Variants in KIR2DL1 observed in about 807,000 individuals in gnomAD.
KIR2DL1 encodes the protein killer cell immunoglobulin like receptor, two Ig domains and long cytoplasmic tail 1.
KIR2DL1 carries 38 observed loss-of-function variants against 33.9 expected under a neutral mutation model. The ratio of observed to expected loss-of-function variants is 1.12; its 90% confidence interval spans 0.86 to 1.47. The LOEUF is 1.47. KIR2DL1 is among the 40% of genes most tolerant of loss of function. KIR2DL1 has a pLI of 0.00. For synonymous variants in KIR2DL1, 179 were observed against 165.9 expected, an observed-to-expected ratio of 1.08 and a Z score of -0.61; for missense variants, 531 against 433.9, an observed-to-expected ratio of 1.22 and a Z score of -1.99.
At position 54,776,232 on chromosome 19, in the gene KIR2DL1, C is replaced by T. The variant is rs1165881385; in HGVS notation, c.664+774C>T. Among the ~76,000 whole-genome samples the T allele has an allele frequency of 3.5e-5, 5 of 142,036 alleles. No individual in the cohort carries two copies. In the Admixed American group the frequency reaches 3.6e-4, roughly 10 times the overall value. The allele number at this position is 142,036 out of a possible 152,430, so 93.2% of individuals were successfully genotyped here. The stretch of plus-strand genomic sequence containing the variant: ...GTGTAAAGTCTAGTGGTCATAAATA[C>T]ATTTTTATATATATATATATATACA... On this transcript the variant is annotated intron_variant, in intron 4 of 7. Transcript: ENST00000336077.
intron 2 of KIR2DL1, among the ~76,000 whole-genome samples, chr19:54,772,581 T>C (rs2075865261): frequency 6.9e-6 from 1 of 145,862 alleles, no homozygotes; most frequent in African/African-American, 2.5e-5. Flanking sequence ...GGCAGGTGCA[T>C]GTAATCCTAG....
Position 54,783,621 on chromosome 19 carries a change from A to G in KIR2DL1, c.871-16A>G. ...ATGTGAGCACCCTCCCTCACTCAGC[A>G]TTTCCCTCTCTCCAGGACTCTGATG... On this transcript the variant is annotated splice_polypyrimidine_tract_variant and intron_variant, in intron 7 of 7. Transcript: ENST00000336077. 1 of 1,613,940 alleles carries G rather than the reference A, an allele frequency of 6.2e-7. No individual in the cohort carries two copies. Among genetic ancestry groups the G allele is most frequent in the Non-Finnish European group, 8.5e-7 (1 of 1,179,950 alleles).
At chr19:54,772,536 A>G (rs8106789) in intron 2 of KIR2DL1, among the ~76,000 whole-genome samples, 18,903 of 137,050 alleles carry the variant, frequency 0.14, 1,006 homozygotes, top group African/African-American at 0.22. Flanking sequence ...GTCAAGGACA[A>G]GTTAAGAAAC....
intron 5 of KIR2DL1, among the ~76,000 whole-genome samples, chr19:54,781,866 G>T (rs1316365608): frequency 2.0e-5 from 3 of 151,832 alleles, no homozygotes; most frequent in Admixed American, 2.0e-4. Flanking sequence ...AAACCCTAAA[G>T]CACATTCGCT....
chr19:54,779,104 C>T (rs1237635852), intron 5 of KIR2DL1, among the ~76,000 whole-genome samples: 1 of 147,654 alleles, frequency 6.8e-6, no homozygotes, highest in Non-Finnish European at 1.5e-5. Context: ...AAGAGCCTTG[C>T]CGTAACAGAG....
At chr19:54,782,626 C>T (rs930637263) in intron 5 of KIR2DL1, among the ~76,000 whole-genome samples, 1 of 152,052 alleles carries the variant, frequency 6.6e-6, no homozygotes, top group Non-Finnish European at 1.5e-5. Context: ...GATGGATCCA[C>T]CTCCATGACC....
At chr19:54,776,049 G>A (rs56768634) in intron 4 of KIR2DL1, among the ~76,000 whole-genome samples, 190 of 145,480 alleles carry the variant, frequency 1.3e-3, no homozygotes, top group African/African-American at 3.8e-3. Flanking sequence ...GCACCACCAC[G>A]CCAGGCTACT....
intron 4 of KIR2DL1, among the ~76,000 whole-genome samples, chr19:54,776,336 T>C (rs1463013322): frequency 6.8e-6 from 1 of 147,690 alleles, no homozygotes; most frequent in African/African-American, 2.5e-5. Flanking sequence ...GATCCACCTT[T>C]TAGCTCCTGT....
At chr19:54,775,549 A>T in intron 4 of KIR2DL1, 91 bp downstream of exon 4, 1 of 1,417,140 alleles carries the variant, frequency 7.1e-7, no homozygotes, top group Non-Finnish European at 9.7e-7. Flanking sequence ...GCATGGACAG[A>T]TGCAGAGAGA....
chr19:54,775,923 G>C (rs1397182176), intron 4 of KIR2DL1, among the ~76,000 whole-genome samples: 8 of 145,556 alleles, frequency 5.5e-5, no homozygotes, highest in South Asian at 2.2e-4. Flanking sequence ...GTGGAGTCTA[G>C]CTCTGTCCCC....
In KIR2DL1 at chr19:54,773,424, G is replaced by C. The variant is rs1371451317; in HGVS notation, c.162G>C (p.Met54Ile). ...TCCTGCAGTGTTGGTCAGATGTCAT[G>C]TTTGAACACTTCCTTCTGCACAGAG... ...TVILQCWSDV[M>I]FEHFLLHREG... The change falls in exon 3 of 8, where the codon ATG becomes ATC. Residue 54 changes from methionine to isoleucine, a missense_variant. Physicochemically the swap from Met to Ile is conservative, Grantham distance 10. Transcript: ENST00000336077. The C allele has an allele frequency of 1.3e-6, 2 of 1,591,744 alleles. No homozygotes were observed. The highest frequency in any genetic ancestry group is 4.5e-5 in the East Asian group (2 of 44,696).
In KIR2DL1 at chr19:54,776,721, A is replaced by G. The variant is rs2076388683; in HGVS notation, c.664+1263A>G. 2.1e-5 allele frequency among the ~76,000 whole-genome samples: 3 copies of G among 143,962 alleles called. No homozygotes were observed. The South Asian group carries it at 6.6e-4, about 32-fold the overall frequency. 94.4% of individuals were successfully genotyped at this position (143,962 alleles called of 152,430 possible). ...AGTGGTGCAACCTTGGCTCATTGCAACCTCCGCCTCCTGGGTTCAAATGAT... is the reference window on the plus strand; with the variant it reads ...AGTGGTGCAACCTTGGCTCATTGCAGCCTCCGCCTCCTGGGTTCAAATGAT... On this transcript the variant is annotated intron_variant, in intron 4 of 7. Coordinates refer to ENST00000336077, the MANE Select transcript of KIR2DL1 (RefSeq NM_014218.3).
At position 54,773,323 on chromosome 19, in the gene KIR2DL1, C is replaced by T; in HGVS notation, c.71-10C>T. 1.9e-6 allele frequency: 3 copies of T among 1,594,758 alleles called. No individual in the cohort carries two copies. The highest frequency in any genetic ancestry group is 2.2e-5 in the South Asian group (2 of 90,342). On this transcript the variant is annotated splice_polypyrimidine_tract_variant and intron_variant, in intron 2 of 7. Coordinates refer to ENST00000336077, the MANE Select transcript of KIR2DL1 (RefSeq NM_014218.3). ...GAGACACCTTCTAAACTCACAACCT[C>T]TCTTCCTAGGAGTCCACAGAAAACC...
chr19:54,769,807 T>C lies in KIR2DL1; in HGVS notation c.-44T>C, dbSNP rs757869772. 31 of 1,561,578 alleles carry C rather than the reference T, an allele frequency of 2.0e-5. 2 individuals carry two copies. The African/African-American group carries it at 4.0e-4, about 20-fold the overall frequency. Reference sequence around the variant, plus strand: ...CGCCAAATAACATCCTGTGCGCTGCTGAGCTGAGCTCGGTCGCGGCTGCCT... The same window carrying C: ...CGCCAAATAACATCCTGTGCGCTGCCGAGCTGAGCTCGGTCGCGGCTGCCT... On this transcript the variant is annotated 5_prime_UTR_variant, in exon 1 of 8. Coordinates refer to ENST00000336077, the MANE Select transcript of KIR2DL1 (RefSeq NM_014218.3).
Position 54,775,065 on chromosome 19 carries a change from A to C in KIR2DL1, c.371-100A>C, listed in dbSNP as rs2076160653. 29 of 1,344,730 alleles carry C rather than the reference A, an allele frequency of 2.2e-5. 2 individuals are homozygous for C. The highest frequency in any genetic ancestry group is 2.7e-5 in the Non-Finnish European group (27 of 985,324). The allele number at this position is 1,344,730 out of a possible 1,614,324, so 83.3% of individuals were successfully genotyped here. A position where few individuals can be genotyped will look rare whatever the true frequency, so the allele number is the denominator to read the frequency against. ...TAGAGGGTGAGAGAGAGAGAGAGAG[A>C]GCATTAGGTCATAGAACAGGGGAGT... On this transcript the variant is annotated intron_variant, in intron 3 of 7. Transcript: ENST00000336077.
intron 4 of KIR2DL1, among the ~76,000 whole-genome samples, chr19:54,776,323 T>A (rs1331168334): frequency 1.4e-5 from 2 of 147,828 alleles, no homozygotes; most frequent in Non-Finnish European, 3.0e-5. Context: ...TCTACCTTCA[T>A]GAGATCCACC....
rs779320972 is a variant in KIR2DL1, at chr19:54,773,382, A to G, written c.120A>G (p.Lys40=). 1.3e-6 allele frequency: 2 copies of G among 1,599,086 alleles called. No individual in the cohort carries two copies. Among genetic ancestry groups the G allele is most frequent in the East Asian group, 4.5e-5 (2 of 44,658 alleles). ...TGGCCCACCCAGGTCGCCTGGTGAA[A>G]TCAGAAGAGACAGTCATCCTGCAGT... ...SLLAHPGRLV[K]SEETVILQCW... is the part of the protein sequence containing the mutation. Residue 40 remains lysine (K), a synonymous_variant, in exon 3 of 8, where the codon AAA becomes AAG. Coordinates refer to ENST00000336077, the MANE Select transcript of KIR2DL1 (RefSeq NM_014218.3).
intron 4 of KIR2DL1, among the ~76,000 whole-genome samples, chr19:54,775,982 C>T (rs1253779200): frequency 1.4e-5 from 2 of 146,696 alleles, no homozygotes; most frequent in African/African-American, 5.0e-5. Flanking sequence ...ACCTCCGCCT[C>T]CTGGGTTCAA....
At chr19:54,777,240 G>T (rs375117196) in intron 4 of KIR2DL1, among the ~76,000 whole-genome samples, 6,269 of 124,774 alleles carry the variant, frequency 0.05, 167 homozygotes, top group Admixed American at 0.063. Flanking sequence ...ACAGGCACAC[G>T]CCACCACGCC....
Sources: allele counts gnomAD v4.1 joint callset (sites outside exome capture counted in the v4.1 genomes callset), GRCh38; gene constraint gnomAD v4.1.1; transcripts MANE v1.5; gene names NCBI Gene and HGNC (gene_info 2026-07-23, HGNC 2026-07-21).